The following DNM1L variants were observed in gnomAD, a reference collection of about 807,000 sequenced individuals.
The protein encoded by DNM1L is dynamin 1L, also known as dynamin-1-like protein.
Under a neutral mutation model 92.8 loss-of-function variants are expected in DNM1L, and 33 were observed. That is an observed-to-expected ratio of 0.36 (90% CI 0.27 to 0.48). The LOEUF (loss-of-function observed/expected upper bound fraction) is 0.48. DNM1L is among the 20% of genes least tolerant of loss of function. The probability of loss-of-function intolerance (pLI) is 0.99; values close to 1 mark genes in which losing one functional copy is unlikely to be tolerated. For synonymous variants in DNM1L, 284 were observed against 305.0 expected (o/e 0.93, Z 0.72); for missense variants, 485 against 888.8 (o/e 0.55, Z 5.78).
chr12:32,730,976 T>C (rs781051474), intron 9 of DNM1L, 38 bp from the exon 10 acceptor site: 1 of 1,612,912 alleles, frequency 6.2e-7, no homozygotes, highest in East Asian at 2.2e-5. Flanking sequence ...CTTTCCCTTT[T>C]TGCAATGCCA....
chr12:32,710,905 A>C, intron 4 of DNM1L, 24 bp from the exon 5 acceptor site: 1 of 1,524,870 alleles, frequency 6.6e-7, no homozygotes, highest in Non-Finnish European at 9.0e-7. Context: ...TGAAATTTTA[A>C]TATATTTTAA....
chr12:32,690,059 CTT>C (rs1952175172), intron 1 of DNM1L, among the ~76,000 whole-genome samples: 1 of 152,154 alleles, frequency 6.6e-6, no homozygotes, highest in African/African-American at 2.4e-5. Context: ...ATTTTTGCCA[CTT>C]TAGAACTCTT....
At chr12:32,695,921 G>A (rs578037501) in intron 1 of DNM1L, among the ~76,000 whole-genome samples, 2 of 152,270 alleles carry the variant, frequency 1.3e-5, no homozygotes, top group East Asian at 1.9e-4. Flanking sequence ...TAAAAATAAA[G>A]AGATGTAAAA....
chr12:32,744,954 T>C lies in DNM1L; in HGVS notation c.*1544T>C. On this transcript the variant is annotated 3_prime_UTR_variant, in exon 20 of 20. Coordinates refer to ENST00000549701, the MANE Select transcript of DNM1L (RefSeq NM_012062.5). ...ATTTATATTGCAGATATTACTTTTT[T>C]TTCAGTTTATGACCAGGTATTTATG... 1 of 518,800 alleles carries C rather than the reference T, an allele frequency of 1.9e-6. No homozygotes were observed. The highest frequency in any genetic ancestry group is 3.8e-6 in the Non-Finnish European group (1 of 259,804). The allele number at this position is 518,800 out of a possible 1,614,324, so 32.1% of individuals were successfully genotyped here. A position where few individuals can be genotyped will look rare whatever the true frequency, so the allele number is the denominator to read the frequency against.
chr12:32,725,092 T>G (rs192671459), intron 9 of DNM1L, among the ~76,000 whole-genome samples: 1 of 151,758 alleles, frequency 6.6e-6, no homozygotes. Flanking sequence ...TTCTTCTTCT[T>G]TTTTTTTACA....
At chr12:32,686,290 G>A (rs1336328465) in intron 1 of DNM1L, among the ~76,000 whole-genome samples, 2 of 151,784 alleles carry the variant, frequency 1.3e-5, no homozygotes, top group African/African-American at 2.4e-5. Context: ...CAGGTGATCC[G>A]TCCACCTCGA....
At chr12:32,690,454 A>C (rs984706492) in intron 1 of DNM1L, among the ~76,000 whole-genome samples, 2 of 152,150 alleles carry the variant, frequency 1.3e-5, no homozygotes, top group African/African-American at 4.8e-5. Flanking sequence ...TATTGCTCCC[A>C]GTTGCCTTCC....
In DNM1L at chr12:32,740,085, G is replaced by C. The variant is rs140385935; in HGVS notation, c.1729G>C (p.Val577Leu). Residue 577 changes from valine (V) to leucine (L), a missense_variant, in exon 17 of 20, where the codon GTT (valine) becomes CTT (leucine). By Grantham distance (32) the Val-to-Leu change is conservative. Transcript: ENST00000549701. ...TKNVASGGGG[V>L]GDGVQEPTTG... ...TCAGGTTGCATCTGGAGGTGGTGGG[G>C]TTGGAGATGGTGTTCAAGAACCAAC... 6 of 1,614,058 alleles carry C rather than the reference G, an allele frequency of 3.7e-6. No homozygotes were observed. In the African/African-American group the frequency reaches 6.7e-5, roughly 18 times the overall value.
chr12:32,723,229 G>A (rs570432137), intron 9 of DNM1L, among the ~76,000 whole-genome samples: 2 of 151,340 alleles, frequency 1.3e-5, no homozygotes, highest in Non-Finnish European at 2.9e-5. Context: ...TTTTGGAACT[G>A]GAAAAATGGC....
At chr12:32,729,226 C>T (rs144311398) in intron 9 of DNM1L, among the ~76,000 whole-genome samples, 1,693 of 152,074 alleles carry the variant, frequency 0.011, 87 homozygotes, top group Admixed American at 0.088. Context: ...GGATTACAGG[C>T]GCGCACTACT....
intron 1 of DNM1L, among the ~76,000 whole-genome samples, chr12:32,685,184 G>A (rs867433195): frequency 2.0e-5 from 3 of 151,692 alleles, no homozygotes; most frequent in African/African-American, 2.4e-5. Context: ...TGATCCACCC[G>A]CCTCGGCCTC....
In DNM1L at chr12:32,707,364, C is replaced by T. The variant is rs1168372968; in HGVS notation, c.251-3C>T. On this transcript the variant is annotated splice_region_variant and splice_polypyrimidine_tract_variant and intron_variant, in intron 2 of 19. Coordinates refer to ENST00000549701, the MANE Select transcript of DNM1L (RefSeq NM_012062.5). The stretch of plus-strand genomic sequence containing the variant: ...CCAATAAATGAGTTTTTCTTTTTTC[C>T]AGGGGTGGAAGCAGAAGAATGGGGT... 3.1e-6 allele frequency: 5 copies of T among 1,601,946 alleles called. No individual in the cohort carries two copies. Among genetic ancestry groups the T allele is most frequent in the Admixed American group, 3.4e-5 (2 of 58,628 alleles).
chr12:32,707,031 T>G (rs909184068), intron 2 of DNM1L: 63 of 252,082 alleles, frequency 2.5e-4, no homozygotes, highest in African/African-American at 1.3e-3. Context: ...AGAATATTCC[T>G]TTTACTGTAA....
intron 1 of DNM1L, among the ~76,000 whole-genome samples, chr12:32,699,991 A>G (rs1952636125): frequency 6.6e-6 from 1 of 152,196 alleles, no homozygotes; most frequent in Non-Finnish European, 1.5e-5. Flanking sequence ...CTAGTGAGGT[A>G]ATAAGATAAG....
At chr12:32,702,667 TTGG>T (rs1952761330) in intron 2 of DNM1L, among the ~76,000 whole-genome samples, 1 of 151,566 alleles carries the variant, frequency 6.6e-6, no homozygotes, top group South Asian at 2.1e-4. Context: ...GTAGGAGCTG[TTGG>T]TGGTGATGAC....
At chr12:32,721,389 G>A (rs1235099303) in intron 8 of DNM1L, among the ~76,000 whole-genome samples, 2 of 151,658 alleles carry the variant, frequency 1.3e-5, no homozygotes, top group Non-Finnish European at 2.9e-5. Flanking sequence ...CACTTTGCTG[G>A]GTACCAATTG....
At chr12:32,699,824 T>C (rs1208913147) in intron 1 of DNM1L, among the ~76,000 whole-genome samples, 1 of 130,586 alleles carries the variant, frequency 7.7e-6, no homozygotes, top group Non-Finnish European at 1.6e-5. Context: ...AAAAAAGCAA[T>C]GATGTTTAAT....
intron 4 of DNM1L, among the ~76,000 whole-genome samples, chr12:32,710,313 G>A (rs1227657257): frequency 6.6e-6 from 1 of 152,140 alleles, no homozygotes; most frequent in Non-Finnish European, 1.5e-5. Flanking sequence ...TGTTATCTAC[G>A]CCTTACTCTC....
Position 32,720,922 on chromosome 12 carries a change from G to T in DNM1L, c.872+127G>T, listed in dbSNP as rs184034174. Reference sequence around the variant, plus strand: ...AGCTTCACTTATGGTTTCTTATATAGTAGGTTCCTGAAGAGTAGATGTCTC... The same window carrying T: ...AGCTTCACTTATGGTTTCTTATATATTAGGTTCCTGAAGAGTAGATGTCTC... On this transcript the variant is annotated intron_variant, in intron 8 of 19. Coordinates refer to ENST00000549701, the MANE Select transcript of DNM1L (RefSeq NM_012062.5). 4.6e-3 allele frequency: 5,563 copies of T among 1,218,632 alleles called. 159 individuals are homozygous for T. In the East Asian group the frequency reaches 0.079, roughly 17 times the overall value. 75.5% of individuals were successfully genotyped at this position (1,218,632 alleles called of 1,614,324 possible). A position where few individuals can be genotyped will look rare whatever the true frequency, so the allele number is the denominator to read the frequency against.
Sources: allele counts gnomAD v4.1 joint callset (sites outside exome capture counted in the v4.1 genomes callset), GRCh38; gene constraint gnomAD v4.1.1; transcripts MANE v1.5; gene names NCBI Gene and HGNC (gene_info 2026-07-23, HGNC 2026-07-21).